The following PTPN5 variants were observed in gnomAD, a reference collection of about 807,000 sequenced individuals.
PTPN5 encodes tyrosine-protein phosphatase non-receptor type 5.
In PTPN5, 29 loss-of-function variants were observed where a neutral mutation model predicts 73.9. The observed-to-expected ratio is 0.39, with a 90% CI of 0.29 to 0.54. The LOEUF (loss-of-function observed/expected upper bound fraction) is 0.54. Ranked by LOEUF, PTPN5 falls within the 20% of genes least tolerant of loss-of-function variation. PTPN5 has a pLI of 0.65. For synonymous variants in PTPN5, 267 were observed against 304.7 expected (o/e 0.88, Z 1.29); for missense variants, 652 against 751.4 (o/e 0.87, Z 1.55).
intron 9 of PTPN5, among the ~76,000 whole-genome samples, chr11:18,734,694 T>C (rs376448765): frequency 3.3e-5 from 5 of 152,332 alleles, no homozygotes; most frequent in African/African-American, 9.6e-5. Context: ...CCTCTCTGCA[T>C]TGACTATTCT....
chr11:18,731,545 A>G (rs1357469658), intron 12 of PTPN5, among the ~76,000 whole-genome samples: 1 of 152,188 alleles, frequency 6.6e-6, no homozygotes, highest in Non-Finnish European at 1.5e-5. Context: ...GCCTCATCTC[A>G]GCCTGTCTTT....
At position 18,742,209 on chromosome 11, in the gene PTPN5, G is replaced by C. The variant is rs1849393301; in HGVS notation, c.725+53C>G. Reference sequence around the variant, plus strand: ...AGTCAGGCATCCACTCTTCTGATCAGGAGCTAAGAGCTCAAGGGCCCGTGG... The same window carrying C: ...AGTCAGGCATCCACTCTTCTGATCACGAGCTAAGAGCTCAAGGGCCCGTGG... On this transcript the variant is annotated intron_variant, in intron 7 of 14. Coordinates refer to ENST00000358540, the MANE Select transcript of PTPN5 (RefSeq NM_006906.2). This position sits in a 1 kb window ranked among gnomAD's most constrained non-coding sequence, Gnocchi z 4.1. 2 of 1,606,400 alleles carry C rather than the reference G, an allele frequency of 1.2e-6. No homozygotes were observed. The highest frequency in any genetic ancestry group is 1.7e-6 in the Non-Finnish European group (2 of 1,175,666).
Position 18,740,838 on chromosome 11 carries a change from C to T in PTPN5, c.726-46G>A, listed in dbSNP as rs193288683. 188 of 1,324,696 alleles carry T rather than the reference C, an allele frequency of 1.4e-4. 1 individual carries two copies. The Admixed American group carries it at 1.7e-3, about 12-fold the overall frequency. The allele number at this position is 1,324,696 out of a possible 1,614,324, so 82.1% of individuals were successfully genotyped here. ...AGTGTGAGCCTCAGGGGCAGAGGGACGGGCATGAGCTGGGGTCTCCAGGGC... is the reference window on the plus strand; with the variant it reads ...AGTGTGAGCCTCAGGGGCAGAGGGATGGGCATGAGCTGGGGTCTCCAGGGC... On this transcript the variant is annotated intron_variant, in intron 7 of 14. Transcript: ENST00000358540.
chr11:18,750,427 G>A (rs117873325), intron 3 of PTPN5, among the ~76,000 whole-genome samples: 301 of 152,186 alleles, frequency 2.0e-3, no homozygotes, highest in Non-Finnish European at 2.5e-3. Context: ...CATTCTGCCC[G>A]CCACACCACG....
Position 18,746,488 on chromosome 11 carries a change from G to A in PTPN5, c.98-2289C>T, listed in dbSNP as rs568839349. 2.6e-5 allele frequency among the ~76,000 whole-genome samples: 4 copies of A among 151,948 alleles called. No individual in the cohort carries two copies. The East Asian group carries it at 5.8e-4, about 22-fold the overall frequency. On this transcript the variant is annotated intron_variant, in intron 3 of 14. Coordinates refer to ENST00000358540, the MANE Select transcript of PTPN5 (RefSeq NM_006906.2). ...ATTACAGGTGTGAGCCACTGCGCCCGGCAGCTGTTATAAATATTTTAGATA... is the reference window on the plus strand; with the variant it reads ...ATTACAGGTGTGAGCCACTGCGCCCAGCAGCTGTTATAAATATTTTAGATA...
intron 3 of PTPN5, among the ~76,000 whole-genome samples, chr11:18,754,164 T>C (rs934893960): frequency 6.6e-6 from 1 of 152,000 alleles, no homozygotes; most frequent in South Asian, 2.1e-4. Context: ...GAAAACCACC[T>C]TTTCCTCTCC....
At chr11:18,770,697 T>C (rs894614428) in intron 2 of PTPN5, among the ~76,000 whole-genome samples, 6 of 152,234 alleles carry the variant, frequency 3.9e-5, no homozygotes, top group Non-Finnish European at 8.8e-5. Flanking sequence ...TATGAAAATA[T>C]GGTGGTCAGA....
chr11:18,751,728 ATGG>A (rs1849897117), intron 3 of PTPN5, among the ~76,000 whole-genome samples: 3 of 152,230 alleles, frequency 2.0e-5, no homozygotes, highest in Non-Finnish European at 4.4e-5. Context: ...GGACTAAAAC[ATGG>A]GTGCTCACCA....
At chr11:18,769,979 T>G (rs937651162) in intron 2 of PTPN5, among the ~76,000 whole-genome samples, 2 of 152,098 alleles carry the variant, frequency 1.3e-5, no homozygotes, top group African/African-American at 4.8e-5. Flanking sequence ...TCCCTGTGGC[T>G]TCCCTGCACT....
chr11:18,737,202 A>G (rs566116049), intron 9 of PTPN5, among the ~76,000 whole-genome samples: 5 of 152,354 alleles, frequency 3.3e-5, no homozygotes, highest in African/African-American at 1.2e-4. Context: ...GATAAAAGTT[A>G]TCTGAAAATG....
intron 3 of PTPN5, among the ~76,000 whole-genome samples, chr11:18,750,629 C>T (rs1849846314): frequency 6.6e-6 from 1 of 152,158 alleles, no homozygotes; most frequent in East Asian, 1.9e-4. Context: ...TGGGCAATTT[C>T]CCAACAGCTC....
In PTPN5 at chr11:18,763,131, C is replaced by T. The variant is rs949551837; in HGVS notation, c.97+2676G>A. On this transcript the variant is annotated intron_variant, in intron 3 of 14. Coordinates refer to ENST00000358540, the MANE Select transcript of PTPN5 (RefSeq NM_006906.2). ...CTGCAATCCCCTATCAGGACAGCAT[C>T]GTGGGAGTCTAGAGGGTCACACAAC... is the stretch of plus-strand genomic sequence containing the variant. 2.6e-5 allele frequency among the ~76,000 whole-genome samples: 4 copies of T among 152,312 alleles called. No individual in the cohort carries two copies. The South Asian group carries it at 6.2e-4, about 24-fold the overall frequency.
intron 1 of PTPN5, among the ~76,000 whole-genome samples, chr11:18,782,043 G>A (rs377594759): frequency 6.8e-4 from 104 of 152,314 alleles, no homozygotes; most frequent in African/African-American, 2.5e-3. Context: ...GACGTAAGAG[G>A]GACTCTTGTC....
At chr11:18,770,211 T>C (rs1225019977) in intron 2 of PTPN5, among the ~76,000 whole-genome samples, 3 of 152,262 alleles carry the variant, frequency 2.0e-5, no homozygotes, top group Non-Finnish European at 4.4e-5. Flanking sequence ...AATACATTCA[T>C]AATGTTGTGC....
At position 18,777,987 on chromosome 11, in the gene PTPN5, AAAGAAAGGAAGG is replaced by A. The variant is rs1304659320; in HGVS notation, c.-113-5928_-113-5917del. Reference sequence around the variant, plus strand: ...GGAAGGAAGGAAGGAAGAAAGAAAGAAAGAAAGGAAGGAAGGAAGGAAGGAAGGAAGGAAGGA... The same window carrying A: ...GGAAGGAAGGAAGGAAGAAAGAAAGAAAGGAAGGAAGGAAGGAAGGAAGGA... On this transcript the variant is annotated intron_variant, in intron 1 of 14. Coordinates refer to ENST00000358540, the MANE Select transcript of PTPN5 (RefSeq NM_006906.2). 6.9e-4 allele frequency among the ~76,000 whole-genome samples: 78 copies of A among 113,386 alleles called. No individual in the cohort carries two copies. The South Asian group carries it at 0.01, about 15-fold the overall frequency. The allele number at this position is 113,386 out of a possible 152,430, so 74.4% of individuals were successfully genotyped here.
intron 8 of PTPN5, among the ~76,000 whole-genome samples, chr11:18,738,319 G>A (rs533510030): frequency 1.3e-5 from 2 of 152,222 alleles, no homozygotes; most frequent in East Asian, 1.9e-4. Flanking sequence ...TCCCTATCTC[G>A]GGACCTAGGT....
chr11:18,779,370 AAT>A (rs939563160), intron 1 of PTPN5, among the ~76,000 whole-genome samples: 4 of 151,766 alleles, frequency 2.6e-5, no homozygotes, highest in Admixed American at 6.6e-5. Context: ...AAAAAAAAAA[AAT>A]AGAGTGTAAA....
chr11:18,778,569 T>A (rs1851277324), intron 1 of PTPN5, among the ~76,000 whole-genome samples: 1 of 152,186 alleles, frequency 6.6e-6, no homozygotes, highest in African/African-American at 2.4e-5. Context: ...TCACAAGATC[T>A]GGTCTTTTGA....
At chr11:18,770,901 T>C (rs1850859247) in intron 2 of PTPN5, among the ~76,000 whole-genome samples, 1 of 151,964 alleles carries the variant, frequency 6.6e-6, no homozygotes, top group South Asian at 2.1e-4. Flanking sequence ...GGGTGAAGTG[T>C]TCTAACAAAG....
Sources: allele counts gnomAD v4.1 joint callset (sites outside exome capture counted in the v4.1 genomes callset), GRCh38; gene constraint gnomAD v4.1.1; non-coding constraint Gnocchi (gnomAD v3.1); transcripts MANE v1.5; gene names NCBI Gene and HGNC (gene_info 2026-07-23, HGNC 2026-07-21).